Variants in CYP4X1 observed in about 807,000 individuals in gnomAD.
The protein encoded by CYP4X1 is cytochrome P450 4X1.
Under a neutral mutation model 57.9 loss-of-function variants are expected in CYP4X1, and 44 were observed. The observed-to-expected ratio is 0.76, with a 90% CI of 0.60 to 0.98. CYP4X1 has a LOEUF of 0.98. Among genes scored for constraint, CYP4X1 ranks in the 50% least tolerant of loss-of-function variants. CYP4X1 has a pLI of 0.00. For missense variants in CYP4X1, 532 were observed against 623.9 expected, an observed-to-expected ratio of 0.85 and a Z score of 1.57; for synonymous variants, 227 against 228.6, an observed-to-expected ratio of 0.99 and a Z score of 0.06.
rs761889623 is a variant in CYP4X1 at position 47,039,487 on chromosome 1, G to A, written c.1028G>A (p.Arg343Gln). 34 of 1,612,966 alleles carry A rather than the reference G, an allele frequency of 2.1e-5. No homozygotes were observed. Among genetic ancestry groups the A allele is most frequent in the African/African-American group, 5.3e-5 (4 of 74,902 alleles). ...ALNPEHQERC[R>Q]EEVRGILGDG... ...AACCCTGAGCATCAAGAGAGATGCC[G>A]GGAGGAGGTCAGGGGCATCCTGGGG... Residue 343 changes from arginine (R) to glutamine (Q), a missense_variant, in exon 8 of 12, where the codon CGG becomes CAG. Coordinates refer to ENST00000371901, the MANE Select transcript of CYP4X1 (RefSeq NM_178033.2).
At position 47,047,151 on chromosome 1, in the gene CYP4X1, C is replaced by T. The variant is rs113983064; in HGVS notation, c.1207+551C>T. On this transcript the variant is annotated intron_variant, in intron 9 of 11. Coordinates refer to ENST00000371901, the MANE Select transcript of CYP4X1 (RefSeq NM_178033.2). ...AAGTACTTTCAATGTGGCCCAAAAT[C>T]CAGAGGCAGCCCCAATGTGTAGATG... 4.8e-3 allele frequency among the ~76,000 whole-genome samples: 738 copies of T among 152,272 alleles called. 4 individuals are homozygous for T. Among genetic ancestry groups the T allele is most frequent in the African/African-American group, 0.017 (697 of 41,548 alleles).
chr1:47,004,716 G>A, the CYP4X1 span, among the ~76,000 whole-genome samples: 2 of 152,186 alleles, frequency 1.3e-5, no homozygotes, highest in East Asian at 3.9e-4. Flanking sequence ...GAAAGCCAAG[G>A]AGTAAAGGCA....
chr1:47,031,507 ACCC>A (rs753077935), intron 3 of CYP4X1, 27 bp downstream of exon 3: 1 of 1,609,746 alleles, frequency 6.2e-7, no homozygotes, highest in South Asian at 1.1e-5. Context: ...GAGAGGTATA[ACCC>A]ACTCTCATTC....
chr1:47,006,922 G>A, the CYP4X1 span, among the ~76,000 whole-genome samples: 1 of 152,228 alleles, frequency 6.6e-6, no homozygotes, highest in African/African-American at 2.4e-5. Flanking sequence ...GGTAAACAAA[G>A]CGGCTGGGAA....
upstream of CYP4X1, among the ~76,000 whole-genome samples, chr1:47,022,662 A>G (rs1644011435): frequency 6.6e-6 from 1 of 151,932 alleles, no homozygotes; most frequent in African/African-American, 2.4e-5. Flanking sequence ...GGCTTAAGGA[A>G]TTGGGGGCGG....
At chr1:46,978,690 T>A in the CYP4X1 span, among the ~76,000 whole-genome samples, 4 of 151,366 alleles carry the variant, frequency 2.6e-5, no homozygotes, top group African/African-American at 9.8e-5. Context: ...CAGGACCACA[T>A]CATATTTATT....
chr1:46,976,254 C>T, the CYP4X1 span, among the ~76,000 whole-genome samples: 1 of 152,180 alleles, frequency 6.6e-6, no homozygotes, highest in African/African-American at 2.4e-5. Context: ...AAATACTGCA[C>T]TTTTCCAAAG....
the CYP4X1 span, among the ~76,000 whole-genome samples, chr1:46,975,197 C>G: frequency 6.6e-6 from 1 of 152,022 alleles, no homozygotes; most frequent in Non-Finnish European, 1.5e-5. Context: ...TGATATGTGC[C>G]TTTGATCCTG....
At chr1:46,970,450 G>C in the CYP4X1 span, among the ~76,000 whole-genome samples, 1 of 152,132 alleles carries the variant, frequency 6.6e-6, no homozygotes, top group Non-Finnish European at 1.5e-5. Context: ...TATGAACATA[G>C]GGGCCCAGAG....
At chr1:47,010,870 AAGG>A in the CYP4X1 span, among the ~76,000 whole-genome samples, 5 of 152,224 alleles carry the variant, frequency 3.3e-5, no homozygotes, top group Non-Finnish European at 7.3e-5. Flanking sequence ...GGACCTCTTC[AAGG>A]AGAACTACAA....
At chr1:47,044,237 T>C (rs546498756) in intron 8 of CYP4X1, among the ~76,000 whole-genome samples, 45 of 152,318 alleles carry the variant, frequency 3.0e-4, no homozygotes, top group Non-Finnish European at 5.3e-4. Context: ...ATTTTTACTT[T>C]TTATCTTTTG....
chr1:47,048,815 G>A (rs1319559350), intron 10 of CYP4X1, among the ~76,000 whole-genome samples, 186 bp downstream of exon 10: 1 of 152,236 alleles, frequency 6.6e-6, no homozygotes. Context: ...ACGTGTATCA[G>A]TGATTTCTTT....
the CYP4X1 span, among the ~76,000 whole-genome samples, chr1:46,987,751 C>A: frequency 6.6e-6 from 1 of 152,174 alleles, no homozygotes; most frequent in African/African-American, 2.4e-5. Flanking sequence ...CACATAACTA[C>A]ATGGAAATTG....
chr1:47,034,114 G>T (rs1437852664), intron 4 of CYP4X1, among the ~76,000 whole-genome samples: 1 of 152,192 alleles, frequency 6.6e-6, no homozygotes, highest in East Asian at 1.9e-4. Context: ...ACTCAAATTT[G>T]CCATGAAACA....
Position 47,050,337 on chromosome 1 carries a change from T to G in CYP4X1, c.*163T>G, listed in dbSNP as rs1165158452. 1.5e-6 allele frequency: 1 copy of G among 674,556 alleles called. No homozygotes were observed. Among genetic ancestry groups the G allele is most frequent in the Non-Finnish European group, 2.5e-6 (1 of 406,308 alleles). The allele number at this position is 674,556 out of a possible 1,614,324, so 41.8% of individuals were successfully genotyped here. On this transcript the variant is annotated 3_prime_UTR_variant, in exon 12 of 12. Coordinates refer to ENST00000371901, the MANE Select transcript of CYP4X1 (RefSeq NM_178033.2). ...CAAAATCATTTCTAGGTACACAGTG[T>G]GTCAGCTAGATCTGTTTCTATATAA...
the CYP4X1 span, among the ~76,000 whole-genome samples, chr1:46,980,511 A>G: frequency 6.6e-6 from 1 of 152,242 alleles, no homozygotes; most frequent in Non-Finnish European, 1.5e-5. Flanking sequence ...TTCCATGCTC[A>G]TGGATAGGAA....
chr1:46,991,064 A>T, the CYP4X1 span, among the ~76,000 whole-genome samples: 25 of 150,590 alleles, frequency 1.7e-4, no homozygotes, highest in Admixed American at 6.6e-5. Flanking sequence ...GAGTCAGGAG[A>T]GGCATCCCGT....
At chr1:46,974,171 T>C in the CYP4X1 span, among the ~76,000 whole-genome samples, 2 of 152,196 alleles carry the variant, frequency 1.3e-5, no homozygotes, top group Non-Finnish European at 2.9e-5. Flanking sequence ...TAATTCATTG[T>C]TTACCCAAAT....
intron 4 of CYP4X1, 68 bp from the exon 5 acceptor site, chr1:47,035,738 G>T: frequency 6.4e-7 from 1 of 1,555,780 alleles, no homozygotes; most frequent in East Asian, 2.3e-5. Flanking sequence ...GGCCAGGCAG[G>T]AGCCTTCAAA....
Sources: allele counts gnomAD v4.1 joint callset (sites outside exome capture counted in the v4.1 genomes callset), GRCh38; gene constraint gnomAD v4.1.1; transcripts MANE v1.5; gene names NCBI Gene and HGNC (gene_info 2026-07-23, HGNC 2026-07-21).